Variants in CCDC138 observed in about 807,000 individuals in gnomAD.
CCDC138 encodes coiled-coil domain containing 138.
A neutral mutation model predicts 82.3 loss-of-function variants in CCDC138; 66 were observed. The observed-to-expected ratio is 0.80, with a 90% confidence interval of 0.66 to 0.98. CCDC138 has a LOEUF of 0.98. CCDC138 is among the 50% of genes least tolerant of loss of function. CCDC138 has a pLI of 0.00. For missense variants in CCDC138, 816 were observed against 758.9 expected (o/e 1.08, Z -0.88); for synonymous variants, 297 against 265.4 (o/e 1.12, Z -1.16).
At chr2:108,807,439 A>G (rs1348432567) in intron 7 of CCDC138, among the ~76,000 whole-genome samples, 9 of 152,198 alleles carry the variant, frequency 5.9e-5, no homozygotes, top group Non-Finnish European at 1.3e-4. Context: ...TGATACAGTA[A>G]TGTGTAATGA....
In CCDC138 at chr2:108,827,405, A is replaced by G. The variant is rs191019147; in HGVS notation, c.1206+11300A>G. ...TGCAAAACAAAATGTAGAAAACTAC[A>G]AATTTTATTTAATGATATGAAAACT... On this transcript the variant is annotated intron_variant, in intron 10 of 14. Coordinates refer to ENST00000295124, the MANE Select transcript of CCDC138 (RefSeq NM_144978.3). 3.3e-5 allele frequency among the ~76,000 whole-genome samples: 5 copies of G among 152,382 alleles called. No homozygotes were observed. In the East Asian group the frequency reaches 9.6e-4, roughly 29 times the overall value.
chr2:108,850,436 C>A (rs951548703), intron 12 of CCDC138, among the ~76,000 whole-genome samples: 1 of 151,798 alleles, frequency 6.6e-6, no homozygotes, highest in Non-Finnish European at 1.5e-5. Context: ...TAATACTTGG[C>A]GAGTTTTTTT....
intron 6 of CCDC138, among the ~76,000 whole-genome samples, chr2:108,799,244 T>C (rs1214958226): frequency 2.0e-5 from 3 of 152,208 alleles, no homozygotes; most frequent in African/African-American, 7.2e-5. Flanking sequence ...AGACAAAATA[T>C]TTTTGGCAAG....
At chr2:108,883,845 C>T (rs988648755) in intron 2 of CCDC138, 4 of 152,248 alleles carry the variant, frequency 2.6e-5, no homozygotes, top group Admixed American at 1.3e-4. Flanking sequence ...AAATTACGCA[C>T]CTTGAGGGTG....
At chr2:108,842,200 A>C (rs796667898) in intron 11 of CCDC138, among the ~76,000 whole-genome samples, 16 of 91,492 alleles carry the variant, frequency 1.7e-4, no homozygotes, top group African/African-American at 4.6e-4. Flanking sequence ...GCTAATTAAA[A>C]AGTTTTTTTT....
chr2:108,854,004 ATATATAATATATAATAAATTTATATT>A (rs1558738225), intron 12 of CCDC138, among the ~76,000 whole-genome samples: 23 of 27,332 alleles, frequency 8.4e-4, no homozygotes, highest in South Asian at 3.3e-3. Context: ...AATTTATATT[ATATATAATATATAATAAATTTATATT>A]ATATATAATA....
chr2:108,828,806 A>C (rs1024012780), intron 10 of CCDC138, among the ~76,000 whole-genome samples: 1 of 152,022 alleles, frequency 6.6e-6, no homozygotes, highest in Non-Finnish European at 1.5e-5. Flanking sequence ...GTGAAACCCT[A>C]TCTGTACTAA....
intron 10 of CCDC138, among the ~76,000 whole-genome samples, chr2:108,834,862 A>T (rs896552389): frequency 1.1e-4 from 17 of 152,296 alleles, no homozygotes; most frequent in Middle Eastern, 3.4e-3. Context: ...CAGGCATATG[A>T]CTTTGTCACT....
chr2:108,818,305 T>C (rs896992566), intron 10 of CCDC138, among the ~76,000 whole-genome samples: 5 of 152,294 alleles, frequency 3.3e-5, no homozygotes, highest in Non-Finnish European at 5.9e-5. Flanking sequence ...AGACCCTGTC[T>C]GAAGAAAAAT....
chr2:108,856,641 C>T (rs941832085), intron 12 of CCDC138, 153 bp from the exon 13 acceptor site: 1 of 202,362 alleles, frequency 4.9e-6, no homozygotes, highest in African/African-American at 2.4e-5. Flanking sequence ...TCTGACAAAT[C>T]AGTTAGAATC....
chr2:108,789,955 A>G (rs1048435635), intron 3 of CCDC138, among the ~76,000 whole-genome samples: 1 of 152,288 alleles, frequency 6.6e-6, no homozygotes, highest in African/African-American at 2.4e-5. Flanking sequence ...GTATCCATAT[A>G]TAACATGAAA....
At chr2:108,789,519 G>A (rs748967615) in intron 3 of CCDC138, among the ~76,000 whole-genome samples, 5 of 152,204 alleles carry the variant, frequency 3.3e-5, no homozygotes, top group African/African-American at 9.7e-5. Context: ...ACTTGAACCC[G>A]GGAGGTGGAG....
rs544567702 is a variant in CCDC138, at chr2:108,852,640, C to G, written c.1517-4154C>G. Among the ~76,000 whole-genome samples, 45 of 152,200 alleles carry G rather than the reference C, an allele frequency of 3.0e-4. 1 individual carries two copies. In the South Asian group the frequency reaches 8.9e-3, roughly 30 times the overall value. The stretch of plus-strand genomic sequence containing the variant: ...CTTGGAGGCCGTTATCCTTAACAGA[C>G]TAATGCAGGAACAGAAAATCAAATA... On this transcript the variant is annotated intron_variant, in intron 12 of 14. Coordinates refer to ENST00000295124, the MANE Select transcript of CCDC138 (RefSeq NM_144978.3).
chr2:108,806,632 C>T (rs1462822735), intron 7 of CCDC138, among the ~76,000 whole-genome samples: 3 of 152,122 alleles, frequency 2.0e-5, no homozygotes, highest in Non-Finnish European at 4.4e-5. Flanking sequence ...CAATAAGTAA[C>T]GAGCGTGGCT....
rs72836512 is a variant in CCDC138 at position 108,813,934 on chromosome 2, A to G, written c.1041+1007A>G. 5.3e-3 allele frequency among the ~76,000 whole-genome samples: 805 copies of G among 152,230 alleles called. 4 individuals are homozygous for G. The highest frequency in any genetic ancestry group is 0.031 in the Middle Eastern group (9 of 294). ...GTGTATCAGTAGTTTGTTCCTTACT[A>G]TTGCTCAATAGTATTTCATTGTATG... On this transcript the variant is annotated intron_variant, in intron 9 of 14. Transcript: ENST00000295124.
chr2:108,829,520 C>G (rs761936264), intron 10 of CCDC138, among the ~76,000 whole-genome samples: 1 of 152,160 alleles, frequency 6.6e-6, no homozygotes, highest in African/African-American at 2.4e-5. Flanking sequence ...CCAAGGCAGG[C>G]GGGTCACTTG....
In CCDC138 at chr2:108,871,290, T is replaced by C. The variant is rs535299872; in HGVS notation, c.1694-2161T>C. 2.6e-4 allele frequency among the ~76,000 whole-genome samples: 39 copies of C among 150,788 alleles called. 1 individual carries two copies. Among genetic ancestry groups the C allele is most frequent in the Non-Finnish European group, 4.6e-4 (31 of 67,806 alleles). Reference sequence around the variant, plus strand: ...TCTCATGCCTGTAATCCCAGCACTTTGGGAGGCTGAGGTGGGCAGATCTCT... The same window carrying C: ...TCTCATGCCTGTAATCCCAGCACTTCGGGAGGCTGAGGTGGGCAGATCTCT... On this transcript the variant is annotated intron_variant, in intron 13 of 14. Transcript: ENST00000295124.
At chr2:108,839,048 A>T (rs963816507) in intron 10 of CCDC138, 137 bp from the exon 11 acceptor site, 6 of 905,420 alleles carry the variant, frequency 6.6e-6, no homozygotes, top group Non-Finnish European at 9.6e-6. Context: ...ATATAGTTTT[A>T]AAGTGAAGGT....
At chr2:108,807,128 A>G (rs1053940317) in intron 7 of CCDC138, among the ~76,000 whole-genome samples, 2 of 152,216 alleles carry the variant, frequency 1.3e-5, no homozygotes, top group South Asian at 4.1e-4. Context: ...GAGAATGAAG[A>G]AAAAAACCCC....
Sources: gnomAD v4.1 joint callset for allele counts (sites outside exome capture counted in the v4.1 genomes callset) on GRCh38, gnomAD v4.1.1 for gene constraint, MANE v1.5 for transcripts, NCBI Gene and HGNC (gene_info 2026-07-23, HGNC 2026-07-21) for gene names.